Variants in FIG4 observed in about 807,000 individuals in gnomAD.
The protein encoded by FIG4 is polyphosphoinositide phosphatase.
Under a neutral mutation model 118.6 loss-of-function variants are expected in FIG4, and 112 were observed. The ratio of observed to expected loss-of-function variants is 0.94; its 90% confidence interval spans 0.81 to 1.11. FIG4 has a LOEUF of 1.11. Among genes scored for constraint, FIG4 ranks in the 50% least tolerant of loss-of-function variants. FIG4 has a pLI of 0.00. For synonymous variants in FIG4, 369 were observed against 381.2 expected (o/e 0.97, Z 0.37); for missense variants, 969 against 1,111.7 (o/e 0.87, Z 1.83).
At position 109,727,177 on chromosome 6, in the gene FIG4, GGAGGTC is replaced by G; in HGVS notation, c.359_364del (p.Gly120_His122delinsAsp). ...TAAAAGGAGGAAGATGGCGGATATT[GGAGGTC>G]ATGCAATCTATAAGGTCGAAGATAC... On this transcript the variant is annotated inframe_deletion, in exon 4 of 23. Coordinates refer to ENST00000230124, the MANE Select transcript of FIG4 (RefSeq NM_014845.6). 1.2e-6 allele frequency: 2 copies of G among 1,609,756 alleles called. No homozygotes were observed. Among genetic ancestry groups the G allele is most frequent in the Non-Finnish European group, 1.7e-6 (2 of 1,176,070 alleles).
chr6:109,762,905 T>C (rs1350453525), intron 12 of FIG4, among the ~76,000 whole-genome samples: 1 of 152,138 alleles, frequency 6.6e-6, no homozygotes, highest in African/African-American at 2.4e-5. Context: ...TAATTTATTA[T>C]GGTGAAAGGA....
intron 1 of FIG4, among the ~76,000 whole-genome samples, chr6:109,695,601 G>GACAC (rs202167631): frequency 6.0e-4 from 60 of 99,342 alleles, no homozygotes; most frequent in East Asian, 2.5e-3. Context: ...CACACACACA[G>GACAC]ACACACACAC....
chr6:109,802,366 C>A (rs1046967292), intron 22 of FIG4, among the ~76,000 whole-genome samples: 1 of 152,164 alleles, frequency 6.6e-6, no homozygotes, highest in Non-Finnish European at 1.5e-5. Context: ...TCCTGCCATA[C>A]ATATTCTAGG....
intron 22 of FIG4, among the ~76,000 whole-genome samples, chr6:109,824,407 G>A (rs766516875): frequency 6.6e-6 from 1 of 152,216 alleles, no homozygotes; most frequent in Admixed American, 6.5e-5. Flanking sequence ...TTCACGGGAA[G>A]TGGGGGTGAT....
rs781309177 is a variant in FIG4 at position 109,727,277 on chromosome 6, G to A, written c.446+12G>A. On this transcript the variant is annotated intron_variant, in intron 4 of 22. Coordinates refer to ENST00000230124, the MANE Select transcript of FIG4 (RefSeq NM_014845.6). ...CCTGATGAAGCTAGGTATGTATGGT[G>A]GTAACTACCTTTTTTTTTTTGGAGA... 2 of 1,554,232 alleles carry A rather than the reference G, an allele frequency of 1.3e-6. No individual in the cohort carries two copies. Among genetic ancestry groups the A allele is most frequent in the Non-Finnish European group, 1.7e-6 (2 of 1,156,338 alleles).
At chr6:109,743,510 A>G in intron 9 of FIG4, 165 bp from the exon 10 acceptor site, 1 of 685,726 alleles carries the variant, frequency 1.5e-6, no homozygotes, top group Non-Finnish European at 2.6e-6. Flanking sequence ...AATGTAATAA[A>G]TACATGATGA....
At chr6:109,713,683 T>C (rs1210091692) in intron 1 of FIG4, among the ~76,000 whole-genome samples, 1 of 151,964 alleles carries the variant, frequency 6.6e-6, no homozygotes, top group Non-Finnish European at 1.5e-5. Context: ...CGCACACACA[T>C]GTTGGCAGAG....
chr6:109,704,428 G>A (rs1774994936), intron 1 of FIG4, among the ~76,000 whole-genome samples: 1 of 152,122 alleles, frequency 6.6e-6, no homozygotes, highest in Non-Finnish European at 1.5e-5. Context: ...GGCCAAGGCA[G>A]GTGGATCATT....
At chr6:109,733,994 A>G (rs1382374972) in intron 5 of FIG4, among the ~76,000 whole-genome samples, 2 of 151,992 alleles carry the variant, frequency 1.3e-5, no homozygotes, top group Non-Finnish European at 2.9e-5. Flanking sequence ...GAATTGTTTT[A>G]AATAGAAATA....
intron 7 of FIG4, among the ~76,000 whole-genome samples, chr6:109,741,069 G>A (rs1045189758): frequency 7.2e-5 from 11 of 152,132 alleles, no homozygotes; most frequent in African/African-American, 2.2e-4. Flanking sequence ...ACCCTGACAC[G>A]TGGGGATTAC....
intron 9 of FIG4, 22 bp downstream of exon 9, chr6:109,743,294 A>G (rs368465355): frequency 1.9e-6 from 3 of 1,605,736 alleles, no homozygotes; most frequent in Non-Finnish European, 1.7e-6. Flanking sequence ...CATGTTTTTA[A>G]TAATAACTCC....
At chr6:109,768,828 T>A (rs1343187897) in intron 15 of FIG4, among the ~76,000 whole-genome samples, 1 of 152,172 alleles carries the variant, frequency 6.6e-6, no homozygotes, top group Non-Finnish European at 1.5e-5. Flanking sequence ...AGGGCTGCTG[T>A]ATCAAAACAG....
chr6:109,704,722 G>A (rs572658724), intron 1 of FIG4, among the ~76,000 whole-genome samples: 48 of 145,520 alleles, frequency 3.3e-4, no homozygotes, highest in Admixed American at 1.4e-3. Flanking sequence ...AAATGGGGAA[G>A]TCATGAAAAA....
chr6:109,778,888 C>T (rs756613904), intron 16 of FIG4, among the ~76,000 whole-genome samples: 21 of 152,262 alleles, frequency 1.4e-4, no homozygotes, highest in Admixed American at 3.9e-4. Flanking sequence ...CGTGAGCCAC[C>T]GCGCCCGGCT....
intron 10 of FIG4, among the ~76,000 whole-genome samples, chr6:109,746,309 A>G: frequency 6.6e-6 from 1 of 152,178 alleles, no homozygotes; most frequent in East Asian, 1.9e-4. Flanking sequence ...GCCTTGAGCT[A>G]ACAGCCTGTT....
At chr6:109,768,026 A>C (rs1429545291) in intron 15 of FIG4, among the ~76,000 whole-genome samples, 1 of 152,192 alleles carries the variant, frequency 6.6e-6, no homozygotes, top group Non-Finnish European at 1.5e-5. Context: ...GGACTGTTGC[A>C]CAGCAGATCT....
intron 11 of FIG4, among the ~76,000 whole-genome samples, chr6:109,761,230 G>C (rs1269785330): frequency 6.6e-6 from 1 of 151,894 alleles, no homozygotes; most frequent in African/African-American, 2.4e-5. Flanking sequence ...TTGCTCTGTT[G>C]CCCAGGCTTG....
At chr6:109,735,327 A>T (rs777982283) in intron 6 of FIG4, 29 bp downstream of exon 6, 22 of 1,578,848 alleles carry the variant, frequency 1.4e-5, no homozygotes, top group Non-Finnish European at 1.7e-5. Flanking sequence ...TCTAATGTAT[A>T]TTAATGTGGT....
At chr6:109,751,948 G>T (rs1336881195) in intron 10 of FIG4, among the ~76,000 whole-genome samples, 1 of 144,320 alleles carries the variant, frequency 6.9e-6, no homozygotes, top group Admixed American at 7.0e-5. Flanking sequence ...TTAACTCGTC[G>T]TTTAGCATTA....
Sources: gnomAD v4.1 joint callset for allele counts (sites outside exome capture counted in the v4.1 genomes callset) on GRCh38, gnomAD v4.1.1 for gene constraint, MANE v1.5 for transcripts, NCBI Gene and HGNC (gene_info 2026-07-23, HGNC 2026-07-21) for gene names.